Variants in PDE3A observed in about 807,000 individuals in gnomAD.
PDE3A encodes cGMP-inhibited 3',5'-cyclic phosphodiesterase 3A.
PDE3A carries 43 observed loss-of-function variants against 98.3 expected under a neutral mutation model. The ratio of observed to expected loss-of-function variants is 0.44; its 90% CI spans 0.34 to 0.56. PDE3A has a LOEUF of 0.56. PDE3A is among the 20% of genes least tolerant of loss of function. The pLI is 0.01. For synonymous variants in PDE3A, 663 were observed against 567.9 expected, an observed-to-expected ratio of 1.17 and a Z score of -2.38; for missense variants, 1,427 against 1,440.7, an observed-to-expected ratio of 0.99 and a Z score of 0.15.
At chr12:20,373,252 G>A (rs920581696) in intron 1 of PDE3A, among the ~76,000 whole-genome samples, 1 of 151,886 alleles carries the variant, frequency 6.6e-6, no homozygotes, top group Admixed American at 6.6e-5. Flanking sequence ...CTACTTTTTT[G>A]GCTGCCAGTG....
chr12:20,495,328 G>A (rs7487853), intron 1 of PDE3A, among the ~76,000 whole-genome samples: 147,649 of 152,080 alleles, frequency 0.97, 71,695 homozygotes, highest in East Asian at 1. Flanking sequence ...TGCTTTCATT[G>A]TACCAGATTT....
In PDE3A at chr12:20,556,864, T is replaced by C. The variant is rs1257531787; in HGVS notation, c.1011+154T>C. 7 of 677,798 alleles carry C rather than the reference T, an allele frequency of 1.0e-5. No homozygotes were observed. In the Admixed American group the frequency reaches 1.9e-4, roughly 19 times the overall value. 42.0% of individuals were successfully genotyped at this position (677,798 alleles called of 1,614,324 possible). On this transcript the variant is annotated intron_variant, in intron 2 of 15. Transcript: ENST00000359062. Reference sequence around the variant, plus strand: ...ATTTAAGTTAACTATAATTAAAGTCTGGATTTCAAATCCCAAAGGCAGATG... The same window carrying C: ...ATTTAAGTTAACTATAATTAAAGTCCGGATTTCAAATCCCAAAGGCAGATG...
intron 1 of PDE3A, among the ~76,000 whole-genome samples, chr12:20,505,759 A>G (rs1407708612): frequency 1.3e-5 from 2 of 152,100 alleles, no homozygotes; most frequent in Non-Finnish European, 2.9e-5. Flanking sequence ...AATTCTAAAT[A>G]TATTTTTAAT....
intron 2 of PDE3A, among the ~76,000 whole-genome samples, chr12:20,595,877 CTATTT>C (rs1943454612): frequency 6.6e-6 from 1 of 152,026 alleles, no homozygotes; most frequent in African/African-American, 2.4e-5. Flanking sequence ...CCTTATCTCC[CTATTT>C]TAAGATGAAA....
intron 1 of PDE3A, among the ~76,000 whole-genome samples, chr12:20,418,180 TAA>T (rs760186046): frequency 2.0e-5 from 3 of 152,316 alleles, no homozygotes; most frequent in Non-Finnish European, 4.4e-5. Flanking sequence ...TTGGGTGTGA[TAA>T]AGTTATTTAA....
chr12:20,508,174 T>C (rs1231594028), intron 1 of PDE3A, among the ~76,000 whole-genome samples: 1 of 152,002 alleles, frequency 6.6e-6, no homozygotes, highest in East Asian at 1.9e-4. Context: ...TGGACCACTT[T>C]GTCCCCAGTT....
At chr12:20,547,913 T>A (rs1029007526) in intron 1 of PDE3A, among the ~76,000 whole-genome samples, 1 of 152,164 alleles carries the variant, frequency 6.6e-6, no homozygotes, top group Non-Finnish European at 1.5e-5. Context: ...AGAACCTTTT[T>A]GTTTCCATGC....
At chr12:20,645,297 C>A (rs1037323623) in intron 10 of PDE3A, among the ~76,000 whole-genome samples, 1 of 152,092 alleles carries the variant, frequency 6.6e-6, no homozygotes, top group African/African-American at 2.4e-5. Flanking sequence ...CATATTGTCA[C>A]TTAAAGACTG....
chr12:20,372,711 C>G (rs1435502758), intron 1 of PDE3A, among the ~76,000 whole-genome samples: 1 of 152,068 alleles, frequency 6.6e-6, no homozygotes, highest in Non-Finnish European at 1.5e-5. Context: ...ATATAACACT[C>G]CCCTGAATGT....
At chr12:20,615,924 A>G (rs958437842) in intron 3 of PDE3A, among the ~76,000 whole-genome samples, 1 of 151,960 alleles carries the variant, frequency 6.6e-6, no homozygotes, top group Non-Finnish European at 1.5e-5. Flanking sequence ...GGGTTTCACC[A>G]TGTTGGCCAG....
intron 1 of PDE3A, among the ~76,000 whole-genome samples, chr12:20,471,215 C>T (rs769659656): frequency 2.6e-5 from 4 of 152,132 alleles, no homozygotes; most frequent in Non-Finnish European, 5.9e-5. Flanking sequence ...AATCTCCATA[C>T]GATTTTGTAA....
In PDE3A at chr12:20,556,679, G is replaced by T. The variant is rs781120746; in HGVS notation, c.980G>T (p.Trp327Leu). The T allele has an allele frequency of 1.9e-6, 3 of 1,607,816 alleles. No homozygotes were observed. The highest frequency in any genetic ancestry group is 2.6e-6 in the Non-Finnish European group (3 of 1,174,490). Residue 327 changes from tryptophan to leucine, a missense_variant, in exon 2 of 16, where the codon TGG (tryptophan) becomes TTG (leucine). Transcript: ENST00000359062. ...TTCCAGCTCATGGGGCATTCAGAAT[G>T]GGACCACAAACGAGGGCCAAGAGGA... ...PREQLMGHSE[W>L]DHKRGPRGSQ...
chr12:20,548,476 C>T (rs1942115188), intron 1 of PDE3A, among the ~76,000 whole-genome samples: 1 of 151,992 alleles, frequency 6.6e-6, no homozygotes, highest in Non-Finnish European at 1.5e-5. Context: ...TAGTTATGTA[C>T]TCTTATCAAC....
chr12:20,413,456 AGC>A (rs1944368416), intron 1 of PDE3A, among the ~76,000 whole-genome samples: 2 of 152,154 alleles, frequency 1.3e-5, no homozygotes, highest in African/African-American at 4.8e-5. Context: ...TCACTGGCCC[AGC>A]AAGAAACAGA....
chr12:20,447,810 G>A (rs1944982169), intron 1 of PDE3A, among the ~76,000 whole-genome samples: 1 of 152,156 alleles, frequency 6.6e-6, no homozygotes, highest in Admixed American at 6.5e-5. Context: ...ATAACTGGTT[G>A]GTCGAAATAC....
Position 20,369,432 on chromosome 12 carries a change from C to A in PDE3A, c.148C>A (p.Leu50Met). ...GGGCTGCCGTGGCTGCTGGGGAGAC[C>A]TGGTGCTGCAGCCGCTCCGGAGCTC... ...DSGCRGCWGD[L>M]VLQPLRSSRK... is the part of the protein sequence containing the mutation. Residue 50 changes from leucine (L) to methionine (M), a missense_variant, in exon 1 of 16, where the codon CTG becomes ATG. By Grantham distance (15) the Leu-to-Met change is conservative. Coordinates refer to ENST00000359062, the MANE Select transcript of PDE3A (RefSeq NM_000921.5). 6.4e-7 allele frequency: 1 copy of A among 1,555,706 alleles called. No homozygotes were observed. The highest frequency in any genetic ancestry group is 8.7e-7 in the Non-Finnish European group (1 of 1,150,674).
chr12:20,500,699 T>C (rs918926460), intron 1 of PDE3A, among the ~76,000 whole-genome samples: 6 of 152,022 alleles, frequency 3.9e-5, no homozygotes, highest in African/African-American at 1.4e-4. Flanking sequence ...TATATTTGTA[T>C]CTTGCTGCAG....
At chr12:20,605,235 C>A (rs946183285) in intron 2 of PDE3A, among the ~76,000 whole-genome samples, 2 of 152,102 alleles carry the variant, frequency 1.3e-5, no homozygotes, top group Non-Finnish European at 2.9e-5. Flanking sequence ...TAGGCAAATG[C>A]GTAACTTACC....
At chr12:20,541,955 A>G (rs1365704015) in intron 1 of PDE3A, among the ~76,000 whole-genome samples, 1 of 152,132 alleles carries the variant, frequency 6.6e-6, no homozygotes, top group Non-Finnish European at 1.5e-5. Flanking sequence ...AATCTAATTG[A>G]AAGTGGAACT....
Sources: allele counts gnomAD v4.1 joint callset (sites outside exome capture counted in the v4.1 genomes callset), GRCh38; gene constraint gnomAD v4.1.1; transcripts MANE v1.5; gene names NCBI Gene and HGNC (gene_info 2026-07-23, HGNC 2026-07-21).